The following P4HTM variants were observed in gnomAD, a reference collection of about 807,000 sequenced individuals.
P4HTM encodes prolyl 4-hydroxylase, transmembrane, also known as transmembrane prolyl 4-hydroxylase.
A neutral mutation model predicts 55.3 loss-of-function variants in P4HTM; 33 were observed. The ratio of observed to expected loss-of-function variants is 0.60; its 90% CI spans 0.45 to 0.80. The LOEUF is 0.80. Ranked by LOEUF, P4HTM falls within the 30% of genes least tolerant of loss-of-function variation. The pLI, the probability that P4HTM is intolerant of heterozygous loss-of-function variation, is 0.00. For synonymous variants in P4HTM, 272 were observed against 286.4 expected (o/e 0.95, Z 0.51); for missense variants, 542 against 696.5 (o/e 0.78, Z 2.50).
rs755087586 is a variant in P4HTM at position 48,992,662 on chromosome 3, CTTT to C, written c.436+1767_436+1769del. ...CAGAAGTTCAGCTGGGATTAGAACT[CTTT>C]TTTTTTTTTTTTTTTTTTAGACTAA... On this transcript the variant is annotated intron_variant, in intron 2 of 8. Transcript: ENST00000383729. Among the ~76,000 whole-genome samples the C allele has an allele frequency of 6.7e-5, 6 of 89,304 alleles. No homozygotes were observed. In the South Asian group the frequency reaches 1.6e-3, roughly 23 times the overall value. 58.6% of individuals were successfully genotyped at this position (89,304 alleles called of 152,430 possible).
intron 4 of P4HTM, chr3:49,003,178 C>T (rs535277665): frequency 2.3e-4 from 50 of 218,246 alleles, no homozygotes; most frequent in African/African-American, 1.1e-3. Context: ...CAGGAGGTTT[C>T]TGAGGTGTGG....
Position 48,990,713 on chromosome 3 carries a change from C to A in P4HTM, c.354+103C>A. On this transcript the variant is annotated intron_variant, in intron 1 of 8. Transcript: ENST00000383729. The surrounding 1 kb of genome is among the most constrained non-coding windows in gnomAD (Gnocchi z 7.2). ...CCACGCTGCCCCCGGCGCTGCTCTG[C>A]GTCGGTCCCGCGCGCTCCCACTCAC... The A allele has an allele frequency of 1.4e-6, 2 of 1,467,322 alleles. No homozygotes were observed. Among genetic ancestry groups the A allele is most frequent in the Admixed American group, 2.1e-5 (1 of 46,804 alleles). 90.9% of individuals were successfully genotyped at this position (1,467,322 alleles called of 1,614,324 possible). A position where few individuals can be genotyped will look rare whatever the true frequency, so the allele number is the denominator to read the frequency against.
intron 6 of P4HTM, 50 bp from the exon 7 acceptor site, chr3:49,005,727 T>C (rs377430190): frequency 1.2e-5 from 18 of 1,553,344 alleles, no homozygotes; most frequent in Non-Finnish European, 1.4e-5. Context: ...GGTAAGCCCC[T>C]GGGAGCATCC....
At chr3:49,003,971 T>A in intron 4 of P4HTM, 127 bp from the exon 5 acceptor site, 1 of 868,278 alleles carries the variant, frequency 1.2e-6, no homozygotes, top group East Asian at 2.7e-5. Context: ...GGGACAAGTG[T>A]ACAAGGCCCC....
chr3:49,001,478 C>T lies in P4HTM; in HGVS notation c.477C>T (p.Ile159=). 1 of 1,613,914 alleles carries T rather than the reference C, an allele frequency of 6.2e-7. No homozygotes were observed. The highest frequency in any genetic ancestry group is 1.3e-5 in the African/African-American group (1 of 75,038). ...GFLTDEECRL[I]IHLAQMKGLQ... is the part of the protein sequence containing the mutation. Reference sequence around the variant, plus strand: ...TGACTGATGAAGAGTGTCGGCTCATCATCCATCTGGCGCAGATGAAGGGGT... The same window carrying T: ...TGACTGATGAAGAGTGTCGGCTCATTATCCATCTGGCGCAGATGAAGGGGT... Residue 159 remains isoleucine (I), a synonymous_variant, in exon 3 of 9, where the codon ATC becomes ATT. Coordinates refer to ENST00000383729, the MANE Select transcript of P4HTM (RefSeq NM_177939.3).
rs1044843804 is a variant in P4HTM at position 49,006,976 on chromosome 3, T to C, written c.*69T>C. The C allele has an allele frequency of 7.8e-6, 10 of 1,281,506 alleles. No individual in the cohort carries two copies. Among genetic ancestry groups the C allele is most frequent in the Non-Finnish European group, 8.8e-6 (8 of 913,972 alleles). The allele number at this position is 1,281,506 out of a possible 1,614,324, so 79.4% of individuals were successfully genotyped here. A position where few individuals can be genotyped will look rare whatever the true frequency, so the allele number is the denominator to read the frequency against. ...CCAAGATCAGGGGTCCGGCTGTCCT[T>C]CTGTCCTGCTGCAGACTAAAGGTCT... On this transcript the variant is annotated 3_prime_UTR_variant, in exon 9 of 9. Coordinates refer to ENST00000383729, the MANE Select transcript of P4HTM (RefSeq NM_177939.3).
Position 48,993,859 on chromosome 3 carries a change from C to CAAA in P4HTM, c.436+2964_436+2966dup, listed in dbSNP as rs60867672. ...CCTGGGTGACAGTGAGACTCCATCA[C>CAAA]AAAAAAAAAAAAAAAAAAAAAGCAT... On this transcript the variant is annotated intron_variant, in intron 2 of 8. Transcript: ENST00000383729. 5.1e-3 allele frequency among the ~76,000 whole-genome samples: 223 copies of CAAA among 43,338 alleles called. 3 individuals carry two copies. Among genetic ancestry groups the CAAA allele is most frequent in the Middle Eastern group, 0.022 (2 of 90 alleles). 28.4% of individuals were successfully genotyped at this position (43,338 alleles called of 152,430 possible).
At chr3:49,004,791 C>T (rs1185526517) in intron 5 of P4HTM, 70 bp from the exon 6 acceptor site, 11 of 1,500,262 alleles carry the variant, frequency 7.3e-6, no homozygotes, top group East Asian at 2.3e-5. Flanking sequence ...GCCTAGGGTC[C>T]ACCTTGGCCA....
At chr3:49,006,304 C>T (rs2092981048) in intron 8 of P4HTM, 117 bp downstream of exon 8, 1 of 1,151,488 alleles carries the variant, frequency 8.7e-7, no homozygotes, top group African/African-American at 1.5e-5. Flanking sequence ...GTTTTCTGCT[C>T]CTGGTGCCTC....
At chr3:49,005,293 C>T (rs1312585728) in intron 6 of P4HTM, 3 of 1,443,582 alleles carry the variant, frequency 2.1e-6, no homozygotes, top group Middle Eastern at 1.8e-4. Context: ...CCAAAACTTG[C>T]CCCCTGAGTT....
At chr3:49,004,364 T>C in intron 5 of P4HTM, 104 bp downstream of exon 5, 1 of 1,184,276 alleles carries the variant, frequency 8.4e-7, no homozygotes, top group South Asian at 1.6e-5. Context: ...GATTAACCCA[T>C]TTGGGATTAA....
At chr3:48,994,586 G>T (rs1377940213) in intron 2 of P4HTM, among the ~76,000 whole-genome samples, 1 of 152,122 alleles carries the variant, frequency 6.6e-6, no homozygotes, top group Non-Finnish European at 1.5e-5. Context: ...ATTTTCCCTT[G>T]GTAGGGAAAT....
intron 2 of P4HTM, among the ~76,000 whole-genome samples, chr3:48,998,649 TG>T (rs2092953032): frequency 6.6e-6 from 1 of 152,182 alleles, no homozygotes; most frequent in Non-Finnish European, 1.5e-5. Context: ...GCCTGCACCT[TG>T]GGCCTTTACT....
rs1464383479 is a variant in P4HTM at position 49,002,526 on chromosome 3, T to C, written c.654T>C (p.Asn218=). 6 of 1,614,010 alleles carry C rather than the reference T, an allele frequency of 3.7e-6. No homozygotes were observed. The highest frequency in any genetic ancestry group is 4.5e-5 in the East Asian group (2 of 44,860). ...TTCTGGCCCAGACTCGCCTGGGAAA[T>C]GGATGGTGGATGACTCCAGAGAGCA... The part of the protein sequence containing the change: ...REVLAQTRLG[N]GWWMTPESIQ... Residue 218 remains asparagine (N), a synonymous_variant, in exon 4 of 9, where the codon AAT becomes AAC. Coordinates refer to ENST00000383729, the MANE Select transcript of P4HTM (RefSeq NM_177939.3). This position sits in a 1 kb window ranked among gnomAD's most constrained non-coding sequence, Gnocchi z 4.4.
In P4HTM at chr3:48,990,360, C is replaced by A; in HGVS notation, c.104C>A (p.Ala35Glu). 6.4e-7 allele frequency: 1 copy of A among 1,565,342 alleles called. No homozygotes were observed. Among genetic ancestry groups the A allele is most frequent in the Non-Finnish European group, 8.6e-7 (1 of 1,163,776 alleles). The change falls in exon 1 of 9, where the codon GCG (alanine) becomes GAG (glutamate). Residue 35 changes from alanine (A) to glutamate (E), a missense_variant. Physicochemically the swap from Ala to Glu is moderately radical, Grantham distance 107. Transcript: ENST00000383729. This position sits in a 1 kb window ranked among gnomAD's most constrained non-coding sequence, Gnocchi z 7.2. The part of the protein sequence containing the change: ...APPDHCQAQA[A>E]AGLGDGEDAP... ...CCAGACCACTGCCAGGCTCAGGCGGCGGCCGGGCTGGGCGACGGCGAGGAC... is the reference window on the plus strand; with the variant it reads ...CCAGACCACTGCCAGGCTCAGGCGGAGGCCGGGCTGGGCGACGGCGAGGAC...
intron 6 of P4HTM, 81 bp downstream of exon 6, chr3:49,005,127 G>A (rs779773246): frequency 3.3e-5 from 53 of 1,612,534 alleles, no homozygotes; most frequent in Non-Finnish European, 4.3e-5. Context: ...TGCACTGTGG[G>A]CGTGCCCCTT....
chr3:49,004,127 A>G lies in P4HTM; in HGVS notation c.754A>G (p.Met252Val). 1 of 1,556,198 alleles carries G rather than the reference A, an allele frequency of 6.4e-7. No homozygotes were observed. Among genetic ancestry groups the G allele is most frequent in the Non-Finnish European group, 8.7e-7 (1 of 1,150,316 alleles). Residue 252 changes from methionine (M) to valine (V), a missense_variant, in exon 5 of 9, where the codon ATG (methionine) becomes GTG (valine). Met to Val is a conservative substitution (Grantham distance 21, BLOSUM62 1). This residue lies in a region of P4HTM where 536 missense variants were observed against 672.1 expected (regional missense o/e 0.80). Coordinates refer to ENST00000383729, the MANE Select transcript of P4HTM (RefSeq NM_177939.3). ...GCTGAGTCTGCAGGAGTTCTCCAAC[A>G]TGGACCTTCGGGACTTCCACAAGTA... ...GVLSLQEFSN[M>V]DLRDFHKYMR...
intron 8 of P4HTM, among the ~76,000 whole-genome samples, chr3:49,006,476 G>C (rs930168143): frequency 4.6e-5 from 7 of 152,206 alleles, no homozygotes; most frequent in Non-Finnish European, 7.3e-5. Flanking sequence ...ATATGGACAG[G>C]CCCAACAGCA....
chr3:49,005,747 G>A, intron 6 of P4HTM, 30 bp from the exon 7 acceptor site: 1 of 1,575,858 alleles, frequency 6.3e-7, no homozygotes, highest in South Asian at 1.2e-5. Context: ...CACAACTGGG[G>A]ACCTGCTCAG....
Sources: allele counts gnomAD v4.1 joint callset (sites outside exome capture counted in the v4.1 genomes callset), GRCh38; gene constraint gnomAD v4.1.1; regional missense constraint gnomAD v4.1.1; non-coding constraint Gnocchi (gnomAD v3.1); transcripts MANE v1.5; gene names NCBI Gene and HGNC (gene_info 2026-07-23, HGNC 2026-07-21).